The following PUDP variants were observed in gnomAD, a reference collection of about 807,000 sequenced individuals.
PUDP encodes the protein pseudouridine 5'-phosphatase.
PUDP carries 8 observed loss-of-function variants against 9.4 expected under a neutral mutation model. The observed-to-expected ratio is 0.85, with a 90% CI of 0.50 to 1.53. The LOEUF is 1.53. PUDP is among the 40% of genes most tolerant of loss of function. The pLI, the probability that PUDP is intolerant of heterozygous loss-of-function variation, is 0.00. For synonymous variants in PUDP, 99 were observed against 80.7 expected (o/e 1.23, Z -1.22); for missense variants, 188 against 189.7 (o/e 0.99, Z 0.05).
rs139265682 is a variant in PUDP, at chrX:7,022,872, G to A, written c.205-44529C>T. Among the ~76,000 whole-genome samples, 435 of 111,765 alleles carry A rather than the reference G, an allele frequency of 3.9e-3. 3 individuals are homozygous for A. Among genetic ancestry groups the A allele is most frequent in the African/African-American group, 0.014 (421 of 30,716 alleles). On this transcript the variant is annotated intron_variant and NMD_transcript_variant, in intron 1 of 3. Coordinates refer to the PUDP transcript ENST00000655425. ...GTTTCATGACTCTGGAAATAAGGCA[G>A]TGAAGGACAGTGCTCCCTGAGAGCC...
intron 1 of PUDP, among the ~76,000 whole-genome samples, chrX:6,992,334 G>A (rs924343489): frequency 1.6e-4 from 11 of 69,669 alleles, no homozygotes; most frequent in Non-Finnish European, 2.4e-4. Context: ...GTGCAGTGGC[G>A]CAATCTCGGC....
At chrX:7,068,505 A>T (rs1930635589) in intron 3 of PUDP, among the ~76,000 whole-genome samples, 1 of 111,820 alleles carries the variant, frequency 8.9e-6, no homozygotes, top group Non-Finnish European at 1.9e-5. Flanking sequence ...CTTGAAGTCA[A>T]CATAGCAGCT....
chrX:6,886,168 A>G (rs1927419111), intron 3 of PUDP, among the ~76,000 whole-genome samples: 2 of 112,200 alleles, frequency 1.8e-5, no homozygotes, highest in South Asian at 7.3e-4. Flanking sequence ...ATTAAGCTGA[A>G]TCATTTCCCA....
At position 6,746,567 on chromosome X, in the gene PUDP, C is replaced by A. The variant is rs972317151; in HGVS notation, c.*248-40101G>T. ...ATGTTTCCTAATTCTCTCTCTCCCC[C>A]CACCCCATCCCCCAACAGGCCCCAG... On this transcript the variant is annotated intron_variant and NMD_transcript_variant, in intron 3 of 3. Coordinates refer to the PUDP transcript ENST00000655425. Among the ~76,000 whole-genome samples the A allele has an allele frequency of 2.2e-4, 24 of 110,690 alleles. 1 individual carries two copies. Among genetic ancestry groups the A allele is most frequent in the African/African-American group, 7.9e-4 (24 of 30,413 alleles).
At position 6,999,826 on chromosome X, in the gene PUDP, C is replaced by A. The variant is rs1181743187; in HGVS notation, c.205-21483G>T. ...ATAATTTAAAAATTAAAAAAAAAAC[C>A]CTCAACGGTCAAAAAAGAAACTGTA... On this transcript the variant is annotated intron_variant and NMD_transcript_variant, in intron 1 of 3. Coordinates refer to the PUDP transcript ENST00000655425. Among the ~76,000 whole-genome samples the A allele has an allele frequency of 7.4e-5, 8 of 107,548 alleles. No individual in the cohort carries two copies. In the East Asian group the frequency reaches 2.0e-3, roughly 27 times the overall value. The allele number at this position is 107,548 out of a possible 115,157, so 93.4% of individuals were successfully genotyped here. A position where few individuals can be genotyped will look rare whatever the true frequency, so the allele number is the denominator to read the frequency against.
intron 3 of PUDP, among the ~76,000 whole-genome samples, chrX:6,798,181 T>C (rs1195994292): frequency 8.9e-6 from 1 of 112,049 alleles, no homozygotes; most frequent in Admixed American, 9.5e-5. Flanking sequence ...CTCACTGTCA[T>C]GATGGAAGGC....
At chrX:7,129,281 G>C (rs768451477) in intron 1 of PUDP, among the ~76,000 whole-genome samples, 3 of 112,190 alleles carry the variant, frequency 2.7e-5, no homozygotes, top group Non-Finnish European at 3.8e-5. Context: ...GCACTATATA[G>C]AAAATGAGGT....
chrX:6,937,790 AAAAC>A (rs1437552151), intron 3 of PUDP, among the ~76,000 whole-genome samples: 123 of 74,782 alleles, frequency 1.6e-3, no homozygotes, highest in Non-Finnish European at 2.5e-3. Context: ...TTACAAGAAA[AAAAC>A]AAACAACCCC....
At chrX:6,838,009 C>G (rs907925690) in intron 3 of PUDP, among the ~76,000 whole-genome samples, 2 of 111,463 alleles carry the variant, frequency 1.8e-5, no homozygotes, top group Admixed American at 9.5e-5. Flanking sequence ...CTCATTAAAT[C>G]ATGCTTTTCT....
At chrX:6,772,847 C>A (rs1255222574) in intron 3 of PUDP, among the ~76,000 whole-genome samples, 1 of 110,606 alleles carries the variant, frequency 9.0e-6, no homozygotes, top group African/African-American at 3.3e-5. Flanking sequence ...TAAGATCAAG[C>A]CACTGCACTC....
intron 3 of PUDP, among the ~76,000 whole-genome samples, chrX:6,900,458 A>C (rs1215096528): frequency 5.6e-5 from 6 of 107,578 alleles, no homozygotes; most frequent in Non-Finnish European, 7.7e-5. Context: ...TGTAGTACCA[A>C]GGTTGAGAAA....
chrX:6,951,073 T>A (rs139819525), intron 3 of PUDP, among the ~76,000 whole-genome samples: 2,221 of 111,136 alleles, frequency 0.02, 25 homozygotes, highest in Middle Eastern at 0.085. Flanking sequence ...GCTTCCAAAC[T>A]CACCCTGCAG....
intron 1 of PUDP, among the ~76,000 whole-genome samples, chrX:7,039,588 A>G (rs992188701): frequency 5.4e-5 from 6 of 111,711 alleles, no homozygotes; most frequent in African/African-American, 2.0e-4. Context: ...GGGAGAAGAC[A>G]CCACCTACAA....
intron 3 of PUDP, among the ~76,000 whole-genome samples, chrX:6,755,907 A>G (rs982785390): frequency 9.0e-6 from 1 of 111,250 alleles, no homozygotes; most frequent in Non-Finnish European, 1.9e-5. Flanking sequence ...ACGACTAAAG[A>G]GAGCTTTCCC....
chrX:7,140,312 G>A (rs980970357), intron 1 of PUDP, among the ~76,000 whole-genome samples: 3 of 111,355 alleles, frequency 2.7e-5, no homozygotes, highest in Admixed American at 9.6e-5. Flanking sequence ...CCTTATAGCC[G>A]ATGGTAGGAG....
chrX:6,973,099 T>C (rs1202702410), intron 3 of PUDP, among the ~76,000 whole-genome samples: 1 of 112,191 alleles, frequency 8.9e-6, no homozygotes, highest in African/African-American at 3.2e-5. Context: ...CTTCTCTCTT[T>C]TCTTCTTTAT....
intron 3 of PUDP, among the ~76,000 whole-genome samples, chrX:7,055,061 C>T (rs1930201606): frequency 9.0e-6 from 1 of 110,977 alleles, no homozygotes; most frequent in Non-Finnish European, 1.9e-5. Context: ...GGTGCTAGGC[C>T]CAGATGGCAA....
intron 3 of PUDP, among the ~76,000 whole-genome samples, chrX:7,050,994 C>T (rs1201571232): frequency 9.0e-6 from 1 of 111,636 alleles, no homozygotes; most frequent in Non-Finnish European, 1.9e-5. Flanking sequence ...ACGTAGTGTG[C>T]GTGCATGCTC....
In PUDP at chrX:6,976,239, C is replaced by T. The variant is rs759440368; in HGVS notation, c.*247+894G>A. ...TGTCTTGCTGGCATTCCAGGAGCCA[C>T]TGGGGTATGAAAAAAAATCTCCTGC... On this transcript the variant is annotated intron_variant and NMD_transcript_variant, in intron 3 of 3. Coordinates refer to the PUDP transcript ENST00000655425. Among the ~76,000 whole-genome samples, 431 of 111,667 alleles carry T rather than the reference C, an allele frequency of 3.9e-3. 4 individuals carry two copies. Among genetic ancestry groups the T allele is most frequent in the Non-Finnish European group, 6.6e-3 (351 of 53,024 alleles).
Sources: allele counts gnomAD v4.1 joint callset (sites outside exome capture counted in the v4.1 genomes callset), GRCh38; gene constraint gnomAD v4.1.1; transcripts MANE v1.5; gene names NCBI Gene and HGNC (gene_info 2026-07-23, HGNC 2026-07-21).